Variants in ANAPC5 observed in about 807,000 individuals in gnomAD.
ANAPC5 encodes anaphase-promoting complex subunit 5.
In ANAPC5, 60 loss-of-function variants were observed where a neutral mutation model predicts 91.3. The observed-to-expected ratio is 0.66, with a 90% confidence interval of 0.53 to 0.81. The LOEUF (loss-of-function observed/expected upper bound fraction) is 0.81, where lower values mean the gene tolerates loss of function less well. Among genes scored for constraint, ANAPC5 ranks in the 40% least tolerant of loss-of-function variants. The probability of loss-of-function intolerance (pLI) is 0.00; values close to 1 mark genes in which losing one functional copy is unlikely to be tolerated. For synonymous variants in ANAPC5, 340 were observed against 364.1 expected (o/e 0.93, Z 0.75); for missense variants, 690 against 931.5 (o/e 0.74, Z 3.37).
intron 2 of ANAPC5, 90 bp downstream of exon 2, chr12:121,347,712 C>A (rs1474261939): frequency 1.5e-5 from 15 of 1,028,768 alleles, no homozygotes; most frequent in East Asian, 1.5e-4. Flanking sequence ...ATAAAGGTAT[C>A]TTTTTAAAAG....
chr12:121,325,645 T>C (rs1396729198), intron 11 of ANAPC5, among the ~76,000 whole-genome samples: 2 of 151,944 alleles, frequency 1.3e-5, no homozygotes, highest in Admixed American at 6.6e-5. Flanking sequence ...GGCAGGCGGA[T>C]CACCTGAGGC....
In ANAPC5 at chr12:121,308,311, G is replaced by A. The variant is rs188419370; in HGVS notation, c.*169C>T. 3.2e-3 allele frequency: 1,925 copies of A among 600,634 alleles called. 9 individuals carry two copies. Among genetic ancestry groups the A allele is most frequent in the Non-Finnish European group, 4.4e-3 (1,534 of 346,122 alleles). The allele number at this position is 600,634 out of a possible 1,614,324, so 37.2% of individuals were successfully genotyped here. A position where few individuals can be genotyped will look rare whatever the true frequency, so the allele number is the denominator to read the frequency against. On this transcript the variant is annotated 3_prime_UTR_variant, in exon 17 of 17. Transcript: ENST00000261819. ...CTTTGCTACCAAAAGGGAAGAAAAG[G>A]GGAATAAAACAAATACGTAGTTACT...
intron 15 of ANAPC5, among the ~76,000 whole-genome samples, chr12:121,316,732 CAAAAAAAAAA>C (rs35989752): frequency 6.9e-5 from 2 of 28,976 alleles, no homozygotes; most frequent in East Asian, 8.8e-4. Context: ...GACTCTGTCT[CAAAAAAAAAA>C]AAAAAAAAAA....
chr12:121,337,608 T>A (rs1903296446), intron 5 of ANAPC5, among the ~76,000 whole-genome samples: 1 of 152,008 alleles, frequency 6.6e-6, no homozygotes, highest in African/African-American at 2.4e-5. Flanking sequence ...TACAACACTG[T>A]TTCCTCTTCC....
At chr12:121,345,441 T>C (rs1208683975) in intron 4 of ANAPC5, among the ~76,000 whole-genome samples, 2 of 151,996 alleles carry the variant, frequency 1.3e-5, no homozygotes, top group Non-Finnish European at 2.9e-5. Flanking sequence ...CACAATACAG[T>C]CCCCAGGACT....
intron 1 of ANAPC5, among the ~76,000 whole-genome samples, chr12:121,351,809 G>A (rs1296873375): frequency 6.6e-6 from 1 of 151,904 alleles, no homozygotes; most frequent in Non-Finnish European, 1.5e-5. Flanking sequence ...TAGGGAGCCT[G>A]TATGACTTAT....
intron 11 of ANAPC5, among the ~76,000 whole-genome samples, chr12:121,325,512 A>T (rs112408010): frequency 2.2e-3 from 46 of 20,748 alleles, no homozygotes; most frequent in Non-Finnish European, 0.017. Flanking sequence ...AAATTAAAAA[A>T]AAAAAAGAAT....
At chr12:121,311,593 G>A (rs1902168674) in intron 15 of ANAPC5, among the ~76,000 whole-genome samples, 1 of 152,172 alleles carries the variant, frequency 6.6e-6, no homozygotes, top group Admixed American at 6.5e-5. Context: ...TGCACTTTGG[G>A]AAGCTGAGGC....
rs117452140 is a variant in ANAPC5 at position 121,350,003 on chromosome 12, G to A, written c.208-2122C>T. 7.8e-3 allele frequency among the ~76,000 whole-genome samples: 1,179 copies of A among 151,996 alleles called. 6 individuals are homozygous for A. Among genetic ancestry groups the A allele is most frequent in the South Asian group, 0.014 (69 of 4,808 alleles). On this transcript the variant is annotated intron_variant, in intron 1 of 16. Coordinates refer to ENST00000261819, the MANE Select transcript of ANAPC5 (RefSeq NM_016237.5). ...CGGGGTTACAGGTGTGATCCCACCC[G>A]GCCTTTTATTTACCAAAATTTTAGT...
At chr12:121,349,899 TG>T (rs1463756903) in intron 1 of ANAPC5, among the ~76,000 whole-genome samples, 10 of 151,802 alleles carry the variant, frequency 6.6e-5, no homozygotes, top group African/African-American at 2.4e-4. Flanking sequence ...TTAGTAGAGA[TG>T]GGGTTTCACT....
chr12:121,352,223 G>A lies in ANAPC5; in HGVS notation c.118C>T (p.Leu40=), dbSNP rs781886255. 53 of 1,614,054 alleles carry A rather than the reference G, an allele frequency of 3.3e-5. No individual in the cohort carries two copies. The highest frequency in any genetic ancestry group is 4.5e-5 in the Non-Finnish European group (53 of 1,180,026). The change falls in exon 1 of 17, where the codon CTG becomes TTG. Residue 40 remains leucine, a synonymous_variant. Transcript: ENST00000261819. ...VTPYKIAVLV[L]LNEMSRTGEG... ...CCTGTGCGGCTCATCTCGTTCAGCAGCACCAGCACCGCGATCTTGTACGGC... is the reference window on the plus strand; with the variant it reads ...CCTGTGCGGCTCATCTCGTTCAGCAACACCAGCACCGCGATCTTGTACGGC...
At position 121,318,383 on chromosome 12, in the gene ANAPC5, G is replaced by A. The variant is rs1275571113; in HGVS notation, c.1787C>T (p.Ser596Phe). 1.2e-6 allele frequency: 2 copies of A among 1,612,394 alleles called. No individual in the cohort carries two copies. The highest frequency in any genetic ancestry group is 1.7e-6 in the Non-Finnish European group (2 of 1,179,180). ...GAGCATGGGCAGCGCGATGGTAGGG[G>A]AGGAAGATCGCCAGTACAGCTCTGC... ...SVAELYWRSS[S>F]PTIALPMLLQ... Residue 596 changes from serine to phenylalanine, a missense_variant, in exon 15 of 17, where the codon TCC (serine) becomes TTC (phenylalanine). Ser to Phe is a radical substitution (Grantham distance 155, BLOSUM62 -2). This residue lies in a region of ANAPC5 where 317 missense variants were observed against 438.7 expected (regional missense o/e 0.72). Transcript: ENST00000261819.
chr12:121,331,100 C>T, intron 8 of ANAPC5: 1 of 443,536 alleles, frequency 2.3e-6, no homozygotes. Context: ...AAAGGTTTCT[C>T]TTCTTTCATG....
chr12:121,346,069 C>G (rs1566197748), intron 3 of ANAPC5, 38 bp from the exon 4 acceptor site: 1 of 1,544,752 alleles, frequency 6.5e-7, no homozygotes. Flanking sequence ...AAAGCATTAA[C>G]TGACATCCAG....
intron 11 of ANAPC5, among the ~76,000 whole-genome samples, chr12:121,322,165 G>GT (rs140292131): frequency 0.071 from 9,761 of 138,006 alleles, 348 homozygotes; most frequent in South Asian, 0.11. Flanking sequence ...CACCTGGCCT[G>GT]TTTTTTTTTT....
intron 12 of ANAPC5, 115 bp from the exon 13 acceptor site, chr12:121,319,933 C>G: frequency 3.8e-6 from 4 of 1,066,568 alleles, no homozygotes; most frequent in Non-Finnish European, 5.2e-6. Context: ...CACACATATT[C>G]TTTTTTGGGG....
rs36095958 is a variant in ANAPC5, at chr12:121,327,120, G to A, written c.1416C>T (p.His472=). Residue 472 remains histidine, a synonymous_variant, in exon 11 of 17, where the codon CAC becomes CAT. Transcript: ENST00000261819. ...CCTGCTCCGCGTGTAGCTCTGCGAG[G>A]TGGCAGAGTGCGACAGCAAAGGACT... ...NTESFAVALC[H]LAELHAEQGC... 650 of 1,610,274 alleles carry A rather than the reference G, an allele frequency of 4.0e-4. 7 individuals are homozygous for A. The African/African-American group carries it at 6.9e-3, about 17-fold the overall frequency.
At chr12:121,335,498 T>C in intron 7 of ANAPC5, 35 bp downstream of exon 7, 1 of 1,552,556 alleles carries the variant, frequency 6.4e-7, no homozygotes, top group East Asian at 2.3e-5. Flanking sequence ...ATCGGTTCCT[T>C]CAATTTGCGC....
chr12:121,320,079 A>G (rs1049262508), intron 12 of ANAPC5, among the ~76,000 whole-genome samples: 2 of 152,194 alleles, frequency 1.3e-5, no homozygotes, highest in Non-Finnish European at 1.5e-5. Flanking sequence ...TTAGATACCA[A>G]TGAAGTCCTT....
Sources: gnomAD v4.1 joint callset for allele counts (sites outside exome capture counted in the v4.1 genomes callset) on GRCh38, gnomAD v4.1.1 for gene constraint, gnomAD v4.1.1 regional missense constraint, MANE v1.5 for transcripts, NCBI Gene and HGNC (gene_info 2026-07-23, HGNC 2026-07-21) for gene names.